Variants in PLPPR1 observed in about 807,000 individuals in gnomAD.
PLPPR1 encodes the protein phospholipid phosphatase related 1, also known as phospholipid phosphatase-related protein type 1.
A neutral mutation model predicts 33.1 loss-of-function variants in PLPPR1; 10 were observed. The observed-to-expected ratio is 0.30, with a 90% CI of 0.19 to 0.51. The LOEUF (loss-of-function observed/expected upper bound fraction) is 0.51. Ranked by LOEUF, PLPPR1 falls within the 20% of genes least tolerant of loss-of-function variation. PLPPR1 has a pLI of 0.97. For missense variants in PLPPR1, 304 were observed against 408.1 expected (o/e 0.74, Z 2.20); for synonymous variants, 151 against 151.0 (o/e 1.00, Z 0.00).
At chr9:101,100,310 T>C (rs1234508849) in intron 1 of PLPPR1, among the ~76,000 whole-genome samples, 2 of 152,154 alleles carry the variant, frequency 1.3e-5, no homozygotes, top group Non-Finnish European at 2.9e-5. Flanking sequence ...GCAAAATTAT[T>C]TCATCTCCAT....
Position 101,312,979 on chromosome 9 carries a change from G to A in PLPPR1, c.813+5G>A, listed in dbSNP as rs1828985798. 1 of 1,613,852 alleles carries A rather than the reference G, an allele frequency of 6.2e-7. No homozygotes were observed. The highest frequency in any genetic ancestry group is 8.5e-7 in the Non-Finnish European group (1 of 1,179,792). ...ACTGCAGTGGCCCTGTTTCTGGTAG[G>A]TTGACTTCCCTCTTTTTACCTTTTC... On this transcript the variant is annotated splice_donor_5th_base_variant and intron_variant, in intron 6 of 7. Coordinates refer to ENST00000374874, the MANE Select transcript of PLPPR1 (RefSeq NM_207299.2).
chr9:101,031,978 G>A (rs1829951164), intron 1 of PLPPR1, among the ~76,000 whole-genome samples: 1 of 152,140 alleles, frequency 6.6e-6, no homozygotes, highest in African/African-American at 2.4e-5. Flanking sequence ...TCCAACTCAA[G>A]GAGAGTAAGA....
At position 101,321,886 on chromosome 9, in the gene PLPPR1, T is replaced by C. The variant is rs537412297; in HGVS notation, c.946-2139T>C. On this transcript the variant is annotated intron_variant, in intron 7 of 7. Transcript: ENST00000374874. ...GGCATATTACTTAAACCTGGTGCCT[T>C]ACTTTCTTCATCTATGTATGTATAT... is the stretch of plus-strand genomic sequence containing the variant. Among the ~76,000 whole-genome samples, 41 of 136,186 alleles carry C rather than the reference T, an allele frequency of 3.0e-4. 1 individual carries two copies. In the East Asian group the frequency reaches 8.1e-3, roughly 27 times the overall value. 89.3% of individuals were successfully genotyped at this position (136,186 alleles called of 152,430 possible).
chr9:101,178,871 T>G (rs542825576), intron 1 of PLPPR1, among the ~76,000 whole-genome samples: 1 of 152,298 alleles, frequency 6.6e-6, no homozygotes, highest in South Asian at 2.1e-4. Context: ...AGTGATCCAC[T>G]AGCAAAATTT....
intron 1 of PLPPR1, 125 bp from the exon 2 acceptor site, chr9:101,185,325 T>C (rs1826186357): frequency 8.3e-6 from 4 of 481,276 alleles, no homozygotes; most frequent in African/African-American, 6.1e-5. Flanking sequence ...TAGATCACTG[T>C]ATTGCTTTTG....
In PLPPR1 at chr9:101,208,339, A is replaced by C. The variant is rs138765278; in HGVS notation, c.63+22782A>C. Among the ~76,000 whole-genome samples, 13 of 152,298 alleles carry C rather than the reference A, an allele frequency of 8.5e-5. No homozygotes were observed. In the East Asian group the frequency reaches 2.5e-3, roughly 29 times the overall value. ...AGTCCTCTGGAGACACACATGGAGA[A>C]TGTCTCTTGAACCTGAGCATTTGTC... On this transcript the variant is annotated intron_variant, in intron 2 of 7. Coordinates refer to ENST00000374874, the MANE Select transcript of PLPPR1 (RefSeq NM_207299.2).
chr9:101,051,900 T>A (rs535561561), intron 1 of PLPPR1, among the ~76,000 whole-genome samples: 8 of 152,316 alleles, frequency 5.3e-5, no homozygotes, highest in African/African-American at 1.9e-4. Flanking sequence ...TTTAAAAAAA[T>A]AAAATGATAT....
At chr9:101,159,279 A>G (rs901889526) in intron 1 of PLPPR1, among the ~76,000 whole-genome samples, 2 of 152,246 alleles carry the variant, frequency 1.3e-5, no homozygotes, top group Non-Finnish European at 2.9e-5. Flanking sequence ...AGATATAAAT[A>G]TAGGCATTGG....
At chr9:101,253,897 AG>A (rs1827754847) in intron 2 of PLPPR1, among the ~76,000 whole-genome samples, 1 of 152,136 alleles carries the variant, frequency 6.6e-6, no homozygotes, top group East Asian at 1.9e-4. Context: ...TAGTGTTTTT[AG>A]TACATGTTTT....
At chr9:101,145,862 T>G (rs384881) in intron 1 of PLPPR1, among the ~76,000 whole-genome samples, 2 of 145,380 alleles carry the variant, frequency 1.4e-5, no homozygotes, top group Middle Eastern at 3.5e-3. Context: ...AAAAAAAAAA[T>G]GAAAATAGCC....
rs143194190 is a variant in PLPPR1, at chr9:101,110,706, C to T, written c.-45-74744C>T. On this transcript the variant is annotated intron_variant, in intron 1 of 7. Transcript: ENST00000374874. Reference sequence around the variant, plus strand: ...TGCTTCAATTTTTGTAATTTCTGGACGAATAAGAAGTTGCTAACAGTGGTT... The same window carrying T: ...TGCTTCAATTTTTGTAATTTCTGGATGAATAAGAAGTTGCTAACAGTGGTT... 5.9e-4 allele frequency among the ~76,000 whole-genome samples: 90 copies of T among 151,870 alleles called. 2 individuals are homozygous for T. The East Asian group carries it at 7.5e-3, about 13-fold the overall frequency.
chr9:101,130,374 C>T (rs1469222008), intron 1 of PLPPR1, among the ~76,000 whole-genome samples: 1 of 152,108 alleles, frequency 6.6e-6, no homozygotes, highest in Non-Finnish European at 1.5e-5. Context: ...TTATCAGCTG[C>T]ATAACCCCAG....
chr9:101,169,887 G>A (rs1825914493), intron 1 of PLPPR1, among the ~76,000 whole-genome samples: 1 of 151,574 alleles, frequency 6.6e-6, no homozygotes, highest in Non-Finnish European at 1.5e-5. Context: ...TGGGTCCAAG[G>A]TAGAGTGAGT....
chr9:101,186,900 A>C (rs1234457015), intron 2 of PLPPR1, among the ~76,000 whole-genome samples: 1 of 151,922 alleles, frequency 6.6e-6, no homozygotes. Context: ...ATTTAAGCTA[A>C]ATATCTGAAT....
intron 2 of PLPPR1, among the ~76,000 whole-genome samples, chr9:101,218,412 G>A (rs972010324): frequency 1.3e-5 from 2 of 152,136 alleles, no homozygotes; most frequent in Non-Finnish European, 2.9e-5. Flanking sequence ...GTCTAGTTCT[G>A]GGTGGGACAT....
chr9:101,322,071 G>A (rs898999671), intron 7 of PLPPR1, among the ~76,000 whole-genome samples: 44 of 149,450 alleles, frequency 2.9e-4, no homozygotes, highest in African/African-American at 8.5e-4. Flanking sequence ...GGTGGCAGGC[G>A]CCTGTAATCC....
chr9:101,046,286 G>C (rs1830144436), intron 1 of PLPPR1, among the ~76,000 whole-genome samples: 1 of 151,866 alleles, frequency 6.6e-6, no homozygotes, highest in Admixed American at 6.6e-5. Flanking sequence ...CAGCCTTGCT[G>C]TTCCTAAATG....
At chr9:101,079,265 C>T (rs1387153534) in intron 1 of PLPPR1, among the ~76,000 whole-genome samples, 2 of 152,182 alleles carry the variant, frequency 1.3e-5, no homozygotes, top group African/African-American at 4.8e-5. Flanking sequence ...CCTTTGCTGT[C>T]ATCCTGGAGA....
At position 101,307,485 on chromosome 9, in the gene PLPPR1, C is replaced by T. The variant is rs546266926; in HGVS notation, c.386-1726C>T. Among the ~76,000 whole-genome samples the T allele has an allele frequency of 1.1e-3, 161 of 152,300 alleles. 1 individual carries two copies. The highest frequency in any genetic ancestry group is 3.7e-3 in the African/African-American group (152 of 41,566). The stretch of plus-strand genomic sequence containing the variant: ...GAAAATCTCCAACCATTCAGACTTC[C>T]AGTACCTGGGGGTGAAAACTGCCTC... On this transcript the variant is annotated intron_variant, in intron 4 of 7. Coordinates refer to ENST00000374874, the MANE Select transcript of PLPPR1 (RefSeq NM_207299.2).
Sources: allele counts gnomAD v4.1 joint callset (sites outside exome capture counted in the v4.1 genomes callset), GRCh38; gene constraint gnomAD v4.1.1; transcripts MANE v1.5; gene names NCBI Gene and HGNC (gene_info 2026-07-23, HGNC 2026-07-21).